The following MYO1D variants were observed in gnomAD, a reference collection of about 807,000 sequenced individuals.
MYO1D encodes the protein myosin ID.
A neutral mutation model predicts 122.0 loss-of-function variants in MYO1D; 83 were observed. The ratio of observed to expected loss-of-function variants is 0.68; its 90% confidence interval spans 0.57 to 0.82. The LOEUF (loss-of-function observed/expected upper bound fraction) is 0.82. Among genes scored for constraint, MYO1D ranks in the 40% least tolerant of loss-of-function variants. The pLI is 0.00. For synonymous variants in MYO1D, 464 were observed against 446.9 expected (o/e 1.04, Z -0.48); for missense variants, 1,157 against 1,269.5 (o/e 0.91, Z 1.35).
chr17:32,824,029 T>C (rs751082719), intron 1 of MYO1D, among the ~76,000 whole-genome samples: 2 of 136,090 alleles, frequency 1.5e-5, no homozygotes, highest in African/African-American at 2.9e-5. Flanking sequence ...ATCAGGCCAC[T>C]GCATTCCAGC....
At chr17:32,714,831 A>T (rs2089422517) in intron 15 of MYO1D, among the ~76,000 whole-genome samples, 1 of 152,198 alleles carries the variant, frequency 6.6e-6, no homozygotes, top group Non-Finnish European at 1.5e-5. Flanking sequence ...TAAACTAAAG[A>T]GCTTCTACAC....
chr17:32,820,118 A>G (rs754137419), intron 1 of MYO1D, among the ~76,000 whole-genome samples: 4 of 152,212 alleles, frequency 2.6e-5, no homozygotes, highest in Non-Finnish European at 5.9e-5. Context: ...CTCTTTTAAA[A>G]AGTGAGAACA....
At chr17:32,816,264 CAA>C (rs2090612485) in intron 1 of MYO1D, among the ~76,000 whole-genome samples, 1 of 152,028 alleles carries the variant, frequency 6.6e-6, no homozygotes, top group Non-Finnish European at 1.5e-5. Flanking sequence ...TCCAGACAAA[CAA>C]GAGATATAGG....
rs917031472 is a variant in MYO1D, at chr17:32,793,145, C to T, written c.96-12361G>A. ...GGAAGAGGGCACTTAAGAAGCACCA[C>T]CACAGTCCACCAGTGCAGCACTCAA... On this transcript the variant is annotated intron_variant, in intron 1 of 21. Coordinates refer to ENST00000318217, the MANE Select transcript of MYO1D (RefSeq NM_015194.3). Among the ~76,000 whole-genome samples, 5 of 152,046 alleles carry T rather than the reference C, an allele frequency of 3.3e-5. No homozygotes were observed. In the East Asian group the frequency reaches 7.8e-4, roughly 24 times the overall value.
intron 21 of MYO1D, among the ~76,000 whole-genome samples, chr17:32,545,445 A>G (rs1278371728): frequency 2.0e-5 from 3 of 152,128 alleles, no homozygotes; most frequent in African/African-American, 7.2e-5. Flanking sequence ...TAGATCGTAA[A>G]CCCTTTGAGG....
intron 21 of MYO1D, among the ~76,000 whole-genome samples, chr17:32,579,687 CA>C (rs1182112083): frequency 6.6e-6 from 1 of 152,198 alleles, no homozygotes; most frequent in Non-Finnish European, 1.5e-5. Flanking sequence ...TCCATCCCAA[CA>C]ATGACTGACC....
chr17:32,676,392 A>C lies in MYO1D; in HGVS notation c.2122-17054T>G, dbSNP rs1460567937. Among the ~76,000 whole-genome samples, 6 of 148,718 alleles carry C rather than the reference A, an allele frequency of 4.0e-5. No individual in the cohort carries two copies. In the South Asian group the frequency reaches 6.3e-4, roughly 16 times the overall value. On this transcript the variant is annotated intron_variant, in intron 16 of 21. Transcript: ENST00000318217. ...GTCCATAACATGTTCATTACTTTAC[A>C]TAATGATCTGTAAGGGCTTTTTGTA...
intron 21 of MYO1D, among the ~76,000 whole-genome samples, chr17:32,502,652 A>G (rs904602819): frequency 6.6e-6 from 1 of 152,228 alleles, no homozygotes; most frequent in African/African-American, 2.4e-5. Context: ...AGTTTAGCCA[A>G]AATAATTTTA....
Position 32,570,387 on chromosome 17 carries a change from CAG to C in MYO1D, c.2864+34698_2864+34699del, listed in dbSNP as rs1491286039. On this transcript the variant is annotated intron_variant, in intron 21 of 21. Transcript: ENST00000318217. ...TTAAAAAAAATTTTTTTTTTTGAGA[CAG>C]AGTCTCGCTGTGTCGCCCAGGCTGG... 1.2e-3 allele frequency among the ~76,000 whole-genome samples: 189 copies of C among 151,996 alleles called. 1 individual carries two copies. Among genetic ancestry groups the C allele is most frequent in the African/African-American group, 4.4e-3 (182 of 41,436 alleles).
chr17:32,542,364 C>CGT (rs1473130195), intron 21 of MYO1D, among the ~76,000 whole-genome samples: 1 of 152,218 alleles, frequency 6.6e-6, no homozygotes, highest in Non-Finnish European at 1.5e-5. Flanking sequence ...ATCTTAAATG[C>CGT]ATATGTGTGC....
chr17:32,870,973 G>A (rs914143643), intron 1 of MYO1D, among the ~76,000 whole-genome samples: 5 of 152,196 alleles, frequency 3.3e-5, no homozygotes, highest in Non-Finnish European at 7.3e-5. Context: ...TCTCTGTTAT[G>A]AATAAATGTC....
intron 1 of MYO1D, among the ~76,000 whole-genome samples, chr17:32,850,215 C>T (rs2090974353): frequency 6.6e-6 from 1 of 152,168 alleles, no homozygotes; most frequent in Admixed American, 6.5e-5. Flanking sequence ...TCCTTTAAAA[C>T]TGATGTCACT....
chr17:32,737,482 T>A, intron 14 of MYO1D, among the ~76,000 whole-genome samples: 1 of 151,668 alleles, frequency 6.6e-6, no homozygotes. Context: ...CACCTTAGCC[T>A]CCAGAGTACC....
chr17:32,707,027 C>A (rs1487308355), intron 16 of MYO1D, among the ~76,000 whole-genome samples: 1 of 151,874 alleles, frequency 6.6e-6, no homozygotes, highest in African/African-American at 2.4e-5. Flanking sequence ...TTTAAGAAAC[C>A]CAGATGCTAT....
intron 21 of MYO1D, among the ~76,000 whole-genome samples, chr17:32,526,286 G>A (rs562382563): frequency 7.2e-5 from 11 of 152,150 alleles, no homozygotes; most frequent in Non-Finnish European, 1.2e-4. Context: ...ATATTGTTTC[G>A]AACTCAACAA....
Position 32,876,924 on chromosome 17 carries a change from C to T in MYO1D, c.-52G>A. 1.7e-6 allele frequency: 2 copies of T among 1,211,536 alleles called. No individual in the cohort carries two copies. Among genetic ancestry groups the T allele is most frequent in the African/African-American group, 1.6e-5 (1 of 62,522 alleles). The allele number at this position is 1,211,536 out of a possible 1,614,324, so 75.0% of individuals were successfully genotyped here. ...CGCGCTCGGGCCTCCGGGGCCGCTC[C>T]GTGGGCCCGCGATGAGCTCGGGAGG... On this transcript the variant is annotated 5_prime_UTR_variant, in exon 1 of 22. Transcript: ENST00000318217.
At chr17:32,644,587 T>A (rs1007671365) in intron 19 of MYO1D, among the ~76,000 whole-genome samples, 3 of 152,192 alleles carry the variant, frequency 2.0e-5, no homozygotes, top group Non-Finnish European at 4.4e-5. Context: ...GCTTTATGAA[T>A]CTGGGTGCTC....
chr17:32,734,342 A>C (rs1426323863), intron 14 of MYO1D, among the ~76,000 whole-genome samples: 1 of 152,184 alleles, frequency 6.6e-6, no homozygotes, highest in Non-Finnish European at 1.5e-5. Flanking sequence ...ATGTCTGCAC[A>C]GTAATAGCCC....
chr17:32,623,454 G>A (rs574169532), intron 20 of MYO1D, among the ~76,000 whole-genome samples: 1 of 152,072 alleles, frequency 6.6e-6, no homozygotes. Context: ...ATGGGGGGTC[G>A]TTGCTAAGTG....
Sources: allele counts gnomAD v4.1 joint callset (sites outside exome capture counted in the v4.1 genomes callset), GRCh38; gene constraint gnomAD v4.1.1; transcripts MANE v1.5; gene names NCBI Gene and HGNC (gene_info 2026-07-23, HGNC 2026-07-21).